NBEA: variants seen among roughly 807,000 people sequenced by gnomAD.
NBEA encodes the protein neurobeachin, also known as lysosomal-trafficking regulator 2.
A neutral mutation model predicts 343.4 loss-of-function variants in NBEA; 44 were observed. The observed-to-expected ratio is 0.13, with a 90% CI of 0.10 to 0.16. The LOEUF (loss-of-function observed/expected upper bound fraction) is 0.16, where lower values mean the gene tolerates loss of function less well. Among genes scored for constraint, NBEA ranks in the 10% least tolerant of loss-of-function variants. The pLI is 1.00. For missense variants in NBEA, 2,555 were observed against 3,631.3 expected (o/e 0.70, Z 7.62); for synonymous variants, 1,175 against 1,238.7 (o/e 0.95, Z 1.08).
At chr13:35,355,415 A>T (rs1412994101) in intron 38 of NBEA, among the ~76,000 whole-genome samples, 1 of 152,072 alleles carries the variant, frequency 6.6e-6, no homozygotes, top group East Asian at 1.9e-4. Flanking sequence ...TGGCTATTCA[A>T]ATTTAATTAA....
At chr13:35,421,674 G>A (rs1285484750) in intron 38 of NBEA, among the ~76,000 whole-genome samples, 1 of 151,958 alleles carries the variant, frequency 6.6e-6, no homozygotes, top group Non-Finnish European at 1.5e-5. Flanking sequence ...ATGTTTACAG[G>A]ACTGCCTATA....
In NBEA at chr13:35,130,182, C is replaced by G. The variant is rs1010655198; in HGVS notation, c.2336+6608C>G. ...GTAGGGGTAGGGACATATGGGACTC[C>G]CTACATTCTGCTCAATTTTACTGAG... On this transcript the variant is annotated intron_variant, in intron 17 of 58. Coordinates refer to ENST00000379939, the MANE Select transcript of NBEA (RefSeq NM_001385012.1). Among the ~76,000 whole-genome samples the G allele has an allele frequency of 2.6e-5, 4 of 151,950 alleles. No homozygotes were observed. In the East Asian group the frequency reaches 5.8e-4, roughly 22 times the overall value.
At chr13:35,102,959 T>C (rs2065721986) in intron 11 of NBEA, among the ~76,000 whole-genome samples, 1 of 151,838 alleles carries the variant, frequency 6.6e-6, no homozygotes, top group African/African-American at 2.4e-5. Context: ...CCTGATCTCA[T>C]GGGCAATGCT....
chr13:35,431,172 G>C (rs1034408812), intron 38 of NBEA, among the ~76,000 whole-genome samples: 1 of 151,856 alleles, frequency 6.6e-6, no homozygotes, highest in African/African-American at 2.4e-5. Flanking sequence ...TACTGTGGGC[G>C]AGACATTGTG....
chr13:35,507,486 TAC>T (rs960681606), intron 41 of NBEA, among the ~76,000 whole-genome samples: 8 of 152,050 alleles, frequency 5.3e-5, no homozygotes, highest in African/African-American at 1.9e-4. Flanking sequence ...AAACCAAACT[TAC>T]TTTGTCTAGT....
intron 13 of NBEA, among the ~76,000 whole-genome samples, chr13:35,113,285 T>A (rs1200978377): frequency 6.6e-6 from 1 of 152,144 alleles, no homozygotes; most frequent in Non-Finnish European, 1.5e-5. Context: ...AGGCACATGA[T>A]GTTGAGTTGT....
intron 44 of NBEA, among the ~76,000 whole-genome samples, chr13:35,561,466 A>G (rs984385767): frequency 2.0e-5 from 3 of 152,122 alleles, no homozygotes; most frequent in Admixed American, 2.0e-4. Flanking sequence ...TTATCCACAA[A>G]TATTCTATAA....
intron 52 of NBEA, among the ~76,000 whole-genome samples, chr13:35,651,407 C>G (rs1243704153): frequency 1.3e-5 from 2 of 152,102 alleles, no homozygotes; most frequent in Non-Finnish European, 2.9e-5. Context: ...TCATTGATTT[C>G]TGCTTCCTGT....
chr13:35,146,341 A>G (rs2068421480), intron 18 of NBEA, among the ~76,000 whole-genome samples: 1 of 152,170 alleles, frequency 6.6e-6, no homozygotes, highest in Non-Finnish European at 1.5e-5. Flanking sequence ...GATAAGGTCC[A>G]AGAGTGGCCT....
chr13:35,459,933 G>A (rs964068976), intron 40 of NBEA, among the ~76,000 whole-genome samples: 13 of 152,198 alleles, frequency 8.5e-5, no homozygotes, highest in African/African-American at 3.1e-4. Context: ...AGCATGTTCA[G>A]TGCAGATAGA....
chr13:35,474,721 A>G (rs980361358), intron 41 of NBEA: 9 of 227,242 alleles, frequency 4.0e-5, no homozygotes, highest in African/African-American at 1.8e-4. Context: ...CAGGATTGCT[A>G]TAATCCTTTG....
At chr13:35,072,294 A>G (rs999937692) in intron 10 of NBEA, among the ~76,000 whole-genome samples, 1 of 151,980 alleles carries the variant, frequency 6.6e-6, no homozygotes, top group Non-Finnish European at 1.5e-5. Context: ...TACTGCTAAA[A>G]CCATATGTAA....
At position 35,040,834 on chromosome 13, in the gene NBEA, T is replaced by C; in HGVS notation, c.295-99T>C. 4 of 1,011,826 alleles carry C rather than the reference T, an allele frequency of 4.0e-6. No homozygotes were observed. The South Asian group carries it at 6.6e-5, about 17-fold the overall frequency. 62.7% of individuals were successfully genotyped at this position (1,011,826 alleles called of 1,614,324 possible). On this transcript the variant is annotated intron_variant, in intron 1 of 58. Transcript: ENST00000379939. ...AATTTTATACCAGAATCCTTGAAATTTTTTAGAGTAGTAGCTTTGAATTCT... is the reference window on the plus strand; with the variant it reads ...AATTTTATACCAGAATCCTTGAAATCTTTTAGAGTAGTAGCTTTGAATTCT...
At chr13:35,268,449 A>G (rs2033865941) in intron 34 of NBEA, among the ~76,000 whole-genome samples, 1 of 152,080 alleles carries the variant, frequency 6.6e-6, no homozygotes, top group Admixed American at 6.6e-5. Context: ...GTACATTATG[A>G]CTGAACTTAA....
At chr13:35,364,111 C>T (rs1036558279) in intron 38 of NBEA, among the ~76,000 whole-genome samples, 1 of 151,994 alleles carries the variant, frequency 6.6e-6, no homozygotes, top group South Asian at 2.1e-4. Flanking sequence ...CATGTGATAA[C>T]CTTCTCAAAC....
chr13:35,407,991 C>A (rs1356244466), intron 38 of NBEA, among the ~76,000 whole-genome samples: 1 of 152,112 alleles, frequency 6.6e-6, no homozygotes, highest in Non-Finnish European at 1.5e-5. Context: ...TGAGATTCTT[C>A]ACAGAACTAG....
At chr13:35,499,147 A>G (rs997343217) in intron 41 of NBEA, among the ~76,000 whole-genome samples, 2 of 152,120 alleles carry the variant, frequency 1.3e-5, no homozygotes, top group African/African-American at 2.4e-5. Context: ...ACAGCAAAGC[A>G]TAAGATCTGT....
intron 38 of NBEA, among the ~76,000 whole-genome samples, chr13:35,362,052 A>AT (rs2040837080): frequency 1.3e-5 from 2 of 151,996 alleles, no homozygotes; most frequent in Non-Finnish European, 2.9e-5. Flanking sequence ...AAATTTTAAA[A>AT]TGTTTTAAAA....
chr13:35,391,636 A>C (rs2152899988), intron 38 of NBEA, among the ~76,000 whole-genome samples: 1 of 152,218 alleles, frequency 6.6e-6, no homozygotes, highest in African/African-American at 2.4e-5. Flanking sequence ...GTAAATAATC[A>C]TTGTAGATGC....
Sources: allele counts gnomAD v4.1 joint callset (sites outside exome capture counted in the v4.1 genomes callset), GRCh38; gene constraint gnomAD v4.1.1; transcripts MANE v1.5; gene names NCBI Gene and HGNC (gene_info 2026-07-23, HGNC 2026-07-21).